The following KLHL29 variants were observed in gnomAD, a reference collection of about 807,000 sequenced individuals.
KLHL29 encodes the protein kelch-like protein 29.
A neutral mutation model predicts 80.4 loss-of-function variants in KLHL29; 21 were observed. The ratio of observed to expected loss-of-function variants is 0.26; its 90% CI spans 0.19 to 0.38. The LOEUF (loss-of-function observed/expected upper bound fraction) is 0.38, where lower values mean the gene tolerates loss of function less well. Ranked by LOEUF, KLHL29 falls within the 10% of genes least tolerant of loss-of-function variation. KLHL29 has a pLI of 1.00. For synonymous variants in KLHL29, 511 were observed against 526.8 expected (o/e 0.97, Z 0.41); for missense variants, 867 against 1,223.9 (o/e 0.71, Z 4.35).
intron 1 of KLHL29, among the ~76,000 whole-genome samples, chr2:23,469,644 A>G (rs575993916): frequency 6.6e-6 from 1 of 152,110 alleles, no homozygotes; most frequent in African/African-American, 2.4e-5. Context: ...TCATCAACCT[A>G]TGGTGTGAAC....
At chr2:23,634,776 A>AC (rs1044827964) in intron 3 of KLHL29, among the ~76,000 whole-genome samples, 1 of 151,840 alleles carries the variant, frequency 6.6e-6, no homozygotes, top group Non-Finnish European at 1.5e-5. Flanking sequence ...AAACCTCAGC[A>AC]CCCCCAATGA....
At chr2:23,398,489 G>A (rs1049696054) in intron 1 of KLHL29, among the ~76,000 whole-genome samples, 2 of 152,226 alleles carry the variant, frequency 1.3e-5, no homozygotes, top group South Asian at 4.1e-4. Context: ...AATGCGCAAA[G>A]AGTTTCAGTT....
chr2:23,551,914 A>G (rs1003890883), intron 2 of KLHL29, among the ~76,000 whole-genome samples: 2 of 152,262 alleles, frequency 1.3e-5, no homozygotes, highest in Non-Finnish European at 2.9e-5. Context: ...GGGAGGAGAT[A>G]GGCCACTATG....
At chr2:23,529,443 G>T (rs1249221334) in intron 2 of KLHL29, among the ~76,000 whole-genome samples, 1 of 152,182 alleles carries the variant, frequency 6.6e-6, no homozygotes, top group African/African-American at 2.4e-5. Flanking sequence ...TGGATATTGG[G>T]TTCACTCCAC....
At chr2:23,674,613 A>G (rs1321865416) in intron 5 of KLHL29, among the ~76,000 whole-genome samples, 2 of 152,194 alleles carry the variant, frequency 1.3e-5, no homozygotes, top group Non-Finnish European at 2.9e-5. Context: ...CTCTGAATAA[A>G]TAACACTGTA....
At chr2:23,564,416 G>A (rs1042205444) in intron 3 of KLHL29, among the ~76,000 whole-genome samples, 1 of 152,174 alleles carries the variant, frequency 6.6e-6, no homozygotes, top group African/African-American at 2.4e-5. Context: ...TTCCTGTGAG[G>A]ACAGCCCGCT....
chr2:23,531,626 C>T (rs1666492709), intron 2 of KLHL29, among the ~76,000 whole-genome samples: 1 of 152,018 alleles, frequency 6.6e-6, no homozygotes, highest in Non-Finnish European at 1.5e-5. Flanking sequence ...TAATAAAAGG[C>T]CAGATTGACT....
intron 3 of KLHL29, among the ~76,000 whole-genome samples, chr2:23,610,499 G>A (rs901160021): frequency 2.6e-5 from 4 of 152,168 alleles, no homozygotes; most frequent in African/African-American, 9.7e-5. Flanking sequence ...TTAAAGACGT[G>A]GTCATCTCTC....
intron 2 of KLHL29, among the ~76,000 whole-genome samples, chr2:23,535,342 CA>C (rs1333690105): frequency 6.6e-6 from 1 of 152,236 alleles, no homozygotes; most frequent in Non-Finnish European, 1.5e-5. Flanking sequence ...GGCCTGCCTC[CA>C]AAGAATCAGA....
intron 1 of KLHL29, among the ~76,000 whole-genome samples, chr2:23,397,687 A>G (rs1666485032): frequency 6.6e-6 from 1 of 152,158 alleles, no homozygotes; most frequent in African/African-American, 2.4e-5. Context: ...CTGCCTGGGA[A>G]CTGAGCATGC....
At chr2:23,500,424 C>T (rs114421960) in intron 2 of KLHL29, among the ~76,000 whole-genome samples, 175 of 152,208 alleles carry the variant, frequency 1.1e-3, no homozygotes, top group African/African-American at 4.1e-3. Flanking sequence ...ATTTGCATAC[C>T]ACTTGGTATC....
chr2:23,523,486 T>TC (rs777096029), intron 2 of KLHL29, among the ~76,000 whole-genome samples: 10 of 152,070 alleles, frequency 6.6e-5, no homozygotes, highest in Non-Finnish European at 1.3e-4. Flanking sequence ...TCCCTTAGCT[T>TC]CCCCCCGCCA....
intron 3 of KLHL29, among the ~76,000 whole-genome samples, chr2:23,573,099 A>T (rs1667758812): frequency 6.6e-6 from 1 of 152,068 alleles, no homozygotes; most frequent in Non-Finnish European, 1.5e-5. Context: ...CCGGATGATG[A>T]AGCTGTGTCG....
intron 5 of KLHL29, among the ~76,000 whole-genome samples, chr2:23,683,915 G>A (rs1671165570): frequency 6.6e-6 from 1 of 152,194 alleles, no homozygotes; most frequent in South Asian, 2.1e-4. Flanking sequence ...AAGGGACGCT[G>A]TTTTTGCAGG....
intron 1 of KLHL29, among the ~76,000 whole-genome samples, chr2:23,399,639 T>G (rs533528267): frequency 6.6e-6 from 1 of 152,338 alleles, no homozygotes; most frequent in South Asian, 2.1e-4. Flanking sequence ...AGTGTTCAGT[T>G]CACTGAGTTT....
intron 3 of KLHL29, among the ~76,000 whole-genome samples, chr2:23,563,887 A>G (rs1667518170): frequency 6.6e-6 from 1 of 151,996 alleles, no homozygotes. Flanking sequence ...GAGATGGAGG[A>G]TTATTTGGGC....
chr2:23,605,534 A>C (rs1382381316), intron 3 of KLHL29, among the ~76,000 whole-genome samples: 2 of 152,178 alleles, frequency 1.3e-5, no homozygotes, highest in Admixed American at 1.3e-4. Context: ...GGACCGTAAG[A>C]AGCCCTTGCC....
At chr2:23,616,332 A>G (rs771313099) in intron 3 of KLHL29, among the ~76,000 whole-genome samples, 3 of 152,162 alleles carry the variant, frequency 2.0e-5, no homozygotes, top group African/African-American at 4.8e-5. Flanking sequence ...TGTAATGCTC[A>G]TTTTACCTAA....
At chr2:23,565,945 C>G (rs72849620) in intron 3 of KLHL29, among the ~76,000 whole-genome samples, 22,203 of 152,212 alleles carry the variant, frequency 0.15, 2,241 homozygotes, top group Admixed American at 0.26. Context: ...CTGGGGCATC[C>G]CATGCCATCA....
Sources: allele counts gnomAD v4.1 joint callset (sites outside exome capture counted in the v4.1 genomes callset), GRCh38; gene constraint gnomAD v4.1.1; transcripts MANE v1.5; gene names NCBI Gene and HGNC (gene_info 2026-07-23, HGNC 2026-07-21).